The following TPRA1 variants were observed in gnomAD, a reference collection of about 807,000 sequenced individuals.
TPRA1 encodes transmembrane protein adipocyte-associated 1.
A neutral mutation model predicts 40.1 loss-of-function variants in TPRA1; 28 were observed. That is an observed-to-expected ratio of 0.70 (90% CI 0.52 to 0.96). The LOEUF (loss-of-function observed/expected upper bound fraction) is 0.96, where lower values mean the gene tolerates loss of function less well. Ranked by LOEUF, TPRA1 falls within the 40% of genes least tolerant of loss-of-function variation. The pLI, the probability that TPRA1 is intolerant of heterozygous loss-of-function variation, is 0.00. For missense variants in TPRA1, 441 were observed against 482.6 expected, an observed-to-expected ratio of 0.91 and a Z score of 0.81; for synonymous variants, 219 against 209.7, an observed-to-expected ratio of 1.04 and a Z score of -0.38.
rs2073574854 is a variant in TPRA1, at chr3:127,575,460, T to C, written c.716A>G (p.Asn239Ser). The C allele has an allele frequency of 1.2e-6, 2 of 1,603,100 alleles. No homozygotes were observed. The highest frequency in any genetic ancestry group is 1.1e-5 in the South Asian group (1 of 89,520). The change falls in exon 9 of 11, where the codon AAC becomes AGC. Residue 239 changes from asparagine (N) to serine (S), a missense_variant. Coordinates refer to ENST00000355552, the MANE Select transcript of TPRA1 (RefSeq NM_001136053.4). ...CACACTCCCCAGCCCCTGCAGTAGG[T>C]TGAGCAGTGCCAGGATGCCCGCATA... The part of the protein sequence containing the change: ...YVYAGILALL[N>S]LLQGLGSVLL...
upstream of TPRA1, among the ~76,000 whole-genome samples, chr3:127,592,120 TG>T (rs906492439): frequency 2.3e-4 from 35 of 152,104 alleles, no homozygotes; most frequent in Non-Finnish European, 3.1e-4. Context: ...CAATGAGCCG[TG>T]GGGAATCCAG....
At position 127,577,080 on chromosome 3, in the gene TPRA1, G is replaced by C. The variant is rs775875745; in HGVS notation, c.259-4C>G. 1.9e-6 allele frequency: 3 copies of C among 1,613,260 alleles called. No individual in the cohort carries two copies. Among genetic ancestry groups the C allele is most frequent in the Non-Finnish European group, 2.5e-6 (3 of 1,179,992 alleles). On this transcript the variant is annotated splice_region_variant and splice_polypyrimidine_tract_variant and intron_variant, in intron 3 of 10. Transcript: ENST00000355552. ...CCACCAGCGCCACCACAAACACCTGGTGGGCAAGGGAGTGGTGTGGCAGTC... is the reference window on the plus strand; with the variant it reads ...CCACCAGCGCCACCACAAACACCTGCTGGGCAAGGGAGTGGTGTGGCAGTC...
Position 127,575,789 on chromosome 3 carries a change from G to T in TPRA1, c.630C>A (p.Ile210=). The change falls in exon 8 of 11, where the codon ATC becomes ATA. Residue 210 remains isoleucine (I), a synonymous_variant. Transcript: ENST00000355552. The part of the protein sequence containing the change: ...FFFLVYSLVV[I]LPKTPLKERI... ...GCTCCTTCAGCGGGGTCTTGGGAAG[G>T]ATGACCACCAGAGAGTAGACCTACA... is the stretch of plus-strand genomic sequence containing the variant. 2 of 1,613,866 alleles carry T rather than the reference G, an allele frequency of 1.2e-6. No homozygotes were observed. The highest frequency in any genetic ancestry group is 1.7e-6 in the Non-Finnish European group (2 of 1,179,996).
intron 1 of TPRA1, among the ~76,000 whole-genome samples, chr3:127,597,763 C>T (rs1218148934): frequency 6.6e-6 from 1 of 152,000 alleles, no homozygotes; most frequent in East Asian, 1.9e-4. Flanking sequence ...CCATTGTGCT[C>T]CTAAGACGGT....
intron 3 of TPRA1, among the ~76,000 whole-genome samples, chr3:127,578,470 A>G (rs1049976511): frequency 3.3e-5 from 5 of 152,176 alleles, no homozygotes; most frequent in Admixed American, 2.6e-4. Flanking sequence ...AAAGTCCCCA[A>G]AAGTTGATGG....
At chr3:127,586,042 G>A (rs1411876318) in intron 1 of TPRA1, among the ~76,000 whole-genome samples, 1 of 152,208 alleles carries the variant, frequency 6.6e-6, no homozygotes, top group South Asian at 2.1e-4. Context: ...AGTGGCTCTG[G>A]TCGAAGTCAA....
At chr3:127,588,389 C>T (rs1041980294) in intron 1 of TPRA1, among the ~76,000 whole-genome samples, 6 of 150,272 alleles carry the variant, frequency 4.0e-5, no homozygotes, top group African/African-American at 1.5e-4. Flanking sequence ...CATTACGTAT[C>T]AAAGCTTAGG....
intron 1 of TPRA1, among the ~76,000 whole-genome samples, chr3:127,585,041 G>A (rs1281790157): frequency 6.6e-6 from 1 of 152,166 alleles, no homozygotes; most frequent in Non-Finnish European, 1.5e-5. Context: ...CTCCGTGCAT[G>A]TACTGGACAG....
Position 127,575,775 on chromosome 3 carries a change from G to A in TPRA1, c.644C>T (p.Pro215Leu), listed in dbSNP as rs758345624. Reference protein sequence around the residue: ...YSLVVILPKTPLKERISLPSR... With the variant: ...YSLVVILPKTLLKERISLPSR... ...AGGCAGGGAGATGCGCTCCTTCAGCGGGGTCTTGGGAAGGATGACCACCAG... is the reference window on the plus strand; with the variant it reads ...AGGCAGGGAGATGCGCTCCTTCAGCAGGGTCTTGGGAAGGATGACCACCAG... Residue 215 changes from proline (P) to leucine (L), a missense_variant, in exon 8 of 11, where the codon CCG (proline) becomes CTG (leucine). By Grantham distance (98) the Pro-to-Leu change is moderately conservative. Transcript: ENST00000355552. 21 of 1,613,688 alleles carry A rather than the reference G, an allele frequency of 1.3e-5. No homozygotes were observed. The highest frequency in any genetic ancestry group is 4.0e-5 in the African/African-American group (3 of 74,924).
In TPRA1 at chr3:127,575,393, C is replaced by T; in HGVS notation, c.773+10G>A. 3 of 1,576,118 alleles carry T rather than the reference C, an allele frequency of 1.9e-6. No homozygotes were observed. The highest frequency in any genetic ancestry group is 2.6e-6 in the Non-Finnish European group (3 of 1,161,134). ...CCCCACGAGGCAGACACCCTGCGGC[C>T]CCCACGCACCAGAGCCCCTCGATGA... On this transcript the variant is annotated intron_variant, in intron 9 of 10. Transcript: ENST00000355552.
Position 127,573,069 on chromosome 3 carries a change from T to G in TPRA1, c.*452A>C, listed in dbSNP as rs2073423270. On this transcript the variant is annotated 3_prime_UTR_variant, in exon 11 of 11. Transcript: ENST00000355552. ...CCTGCAAAACCTCCACATTAGCACC[T>G]TCTGCTCCTTTTCCTTTTTATTAAA... 6.5e-6 allele frequency: 1 copy of G among 153,412 alleles called. No individual in the cohort carries two copies. Among genetic ancestry groups the G allele is most frequent in the South Asian group, 2.1e-4 (1 of 4,864 alleles). The allele number at this position is 153,412 out of a possible 1,614,324, so 9.5% of individuals were successfully genotyped here. A position where few individuals can be genotyped will look rare whatever the true frequency, so the allele number is the denominator to read the frequency against.
intron 3 of TPRA1, 84 bp downstream of exon 3, chr3:127,579,656 C>G: frequency 1.4e-6 from 2 of 1,481,024 alleles, no homozygotes; most frequent in South Asian, 1.2e-5. Context: ...ATACCTGAAG[C>G]TTATTTTCAT....
chr3:127,598,220 G>C, upstream of TPRA1: 1 of 593,264 alleles, frequency 1.7e-6, no homozygotes, highest in Admixed American at 3.0e-5. Context: ...CCACCACAGC[G>C]CAGGCGAGCG....
At chr3:127,573,871 GA>G in intron 10 of TPRA1, 83 bp from the exon 11 acceptor site, 1 of 1,472,188 alleles carries the variant, frequency 6.8e-7, no homozygotes. Context: ...GGGGCCACCA[GA>G]TAAGGAAGGA....
Position 127,576,589 on chromosome 3 carries a change from C to A in TPRA1, c.498+28G>T. 1 of 1,555,278 alleles carries A rather than the reference C, an allele frequency of 6.4e-7. No homozygotes were observed. The highest frequency in any genetic ancestry group is 1.2e-5 in the South Asian group (1 of 85,360). On this transcript the variant is annotated intron_variant, in intron 6 of 10. Coordinates refer to ENST00000355552, the MANE Select transcript of TPRA1 (RefSeq NM_001136053.4). The surrounding 1 kb of genome is among the most constrained non-coding windows in gnomAD (Gnocchi z 4.6). ...GGGTGCCTGGTGCCCTGACTCCTAG[C>A]GTCCCCTGCCCACACTCACCCTCTT... is the stretch of plus-strand genomic sequence containing the variant.
Position 127,573,286 on chromosome 3 carries a change from G to C in TPRA1, c.*235C>G, listed in dbSNP as rs2073433224. ...GCCCTGGAAGGAAAGCCTGGGCCAT[G>C]TCACTGAGCAGTATGAGAGCAGGTG... On this transcript the variant is annotated 3_prime_UTR_variant, in exon 11 of 11. Coordinates refer to ENST00000355552, the MANE Select transcript of TPRA1 (RefSeq NM_001136053.4). 6.2e-6 allele frequency: 3 copies of C among 485,218 alleles called. No homozygotes were observed. The highest frequency in any genetic ancestry group is 1.1e-5 in the Non-Finnish European group (3 of 280,034). The allele number at this position is 485,218 out of a possible 1,614,324, so 30.1% of individuals were successfully genotyped here.
intron 1 of TPRA1, among the ~76,000 whole-genome samples, chr3:127,588,565 T>G (rs1172967758): frequency 6.6e-6 from 1 of 151,898 alleles, no homozygotes; most frequent in Non-Finnish European, 1.5e-5. Context: ...GGATTACAGG[T>G]GTGCACCACC....
intron 1 of TPRA1, among the ~76,000 whole-genome samples, chr3:127,596,051 C>A (rs2074237369): frequency 6.6e-6 from 1 of 152,056 alleles, no homozygotes; most frequent in Non-Finnish European, 1.5e-5. Context: ...ACAGTGGGTG[C>A]TAATTGCTTC....
chr3:127,580,358 C>T (rs1447837078), intron 1 of TPRA1, 195 bp from the exon 2 acceptor site: 3 of 593,086 alleles, frequency 5.1e-6, no homozygotes, highest in Non-Finnish European at 5.8e-6. Context: ...GGCCCAGTCC[C>T]CCATCTCAGG....
Sources: allele counts gnomAD v4.1 joint callset (sites outside exome capture counted in the v4.1 genomes callset), GRCh38; gene constraint gnomAD v4.1.1; non-coding constraint Gnocchi (gnomAD v3.1); transcripts MANE v1.5; gene names NCBI Gene and HGNC (gene_info 2026-07-23, HGNC 2026-07-21).